VRK2: variants seen among roughly 807,000 people sequenced by gnomAD.
VRK2 encodes VRK serine/threonine kinase 2.
A neutral mutation model predicts 57.6 loss-of-function variants in VRK2; 60 were observed. The ratio of observed to expected loss-of-function variants is 1.04; its 90% CI spans 0.85 to 1.29. The LOEUF is 1.29. Ranked by LOEUF, VRK2 falls within the 50% of genes most tolerant of loss-of-function variation. VRK2 has a pLI of 0.00. For missense variants in VRK2, 705 were observed against 588.1 expected (o/e 1.20, Z -2.06); for synonymous variants, 231 against 199.2 (o/e 1.16, Z -1.35).
chr2:58,004,231 G>A (rs1363271748), intron 1 of VRK2, among the ~76,000 whole-genome samples: 1 of 151,738 alleles, frequency 6.6e-6, no homozygotes, highest in African/African-American at 2.4e-5. Flanking sequence ...CACAACCTAT[G>A]GGACTATAAT....
chr2:58,009,708 C>T (rs1673360302), intron 1 of VRK2, among the ~76,000 whole-genome samples: 1 of 151,630 alleles, frequency 6.6e-6, no homozygotes, highest in South Asian at 2.1e-4. Context: ...ATTCATACAG[C>T]TCATATTTTA....
intron 1 of VRK2, among the ~76,000 whole-genome samples, chr2:57,996,002 T>C (rs1414767926): frequency 1.3e-5 from 2 of 152,174 alleles, no homozygotes; most frequent in Admixed American, 6.5e-5. Context: ...AATACAAGAA[T>C]AACAAATAAT....
At chr2:57,960,299 CAT>C (rs775127770) in intron 1 of VRK2, among the ~76,000 whole-genome samples, 3 of 152,138 alleles carry the variant, frequency 2.0e-5, no homozygotes, top group Admixed American at 6.5e-5. Context: ...TAATTTGTCA[CAT>C]GTTATACTCC....
chr2:58,129,510 T>C (rs1274745154), intron 8 of VRK2, among the ~76,000 whole-genome samples: 6 of 152,098 alleles, frequency 3.9e-5, no homozygotes, highest in African/African-American at 1.2e-4. Flanking sequence ...GAAGCAACTT[T>C]CAAATTAAAA....
intron 2 of VRK2, among the ~76,000 whole-genome samples, chr2:58,061,512 C>T (rs1413759733): frequency 6.6e-6 from 1 of 151,502 alleles, no homozygotes; most frequent in Non-Finnish European, 1.5e-5. Context: ...AATCGGTTGC[C>T]AAAAAAGCAA....
chr2:58,092,413 T>G (rs1672508322), intron 7 of VRK2, among the ~76,000 whole-genome samples: 1 of 152,246 alleles, frequency 6.6e-6, no homozygotes, highest in African/African-American at 2.4e-5. Context: ...TCTGTTCACC[T>G]GTTGATGGCT....
intron 1 of VRK2, among the ~76,000 whole-genome samples, chr2:57,942,461 C>A (rs1671130223): frequency 6.6e-6 from 1 of 152,050 alleles, no homozygotes; most frequent in South Asian, 2.1e-4. Flanking sequence ...GTAAGTAGGT[C>A]CCTGTTTATT....
intron 12 of VRK2, chr2:58,154,816 G>A (rs370508007): frequency 2.2e-4 from 155 of 715,950 alleles, no homozygotes; most frequent in African/African-American, 2.0e-3. Flanking sequence ...AGTATTCCAT[G>A]CTATAAGTGT....
chr2:58,051,080 G>C (rs564557497), intron 2 of VRK2, among the ~76,000 whole-genome samples: 1 of 152,164 alleles, frequency 6.6e-6, no homozygotes, highest in African/African-American at 2.4e-5. Context: ...CCTGACCTCA[G>C]GTGATCTGCC....
At chr2:58,008,958 A>C (rs1386232345) in intron 1 of VRK2, among the ~76,000 whole-genome samples, 1 of 151,964 alleles carries the variant, frequency 6.6e-6, no homozygotes, top group Non-Finnish European at 1.5e-5. Flanking sequence ...TCCCACAGAG[A>C]AGGAGGAATG....
intron 1 of VRK2, among the ~76,000 whole-genome samples, chr2:57,961,991 C>T (rs1429921236): frequency 6.6e-6 from 1 of 152,128 alleles, no homozygotes; most frequent in Non-Finnish European, 1.5e-5. Context: ...GTGGGAGGAT[C>T]GTTTGAGCCC....
In VRK2 at chr2:58,120,184, C is replaced by CTTTTTTTTTTTTTTTTTTTTTT. The variant is rs397868874; in HGVS notation, c.544-2914_544-2893dup. ...CTTTTTGTCTATTTTTTTTTCTTTTCTTTTTTTTTTTTTTTTTTTTTTTTG... is the reference window on the plus strand; with the variant it reads ...CTTTTTGTCTATTTTTTTTTCTTTTCTTTTTTTTTTTTTTTTTTTTTTTTTTTTTTTTTTTTTTTTTTTTTTG... On this transcript the variant is annotated intron_variant, in intron 7 of 12. Coordinates refer to ENST00000340157, the MANE Select transcript of VRK2 (RefSeq NM_006296.7). 2.3e-3 allele frequency among the ~76,000 whole-genome samples: 120 copies of CTTTTTTTTTTTTTTTTTTTTTT among 51,984 alleles called. 9 individuals carry two copies. The highest frequency in any genetic ancestry group is 2.9e-3 in the Non-Finnish European group (92 of 31,442). 34.1% of individuals were successfully genotyped at this position (51,984 alleles called of 152,430 possible). A position where few individuals can be genotyped will look rare whatever the true frequency, so the allele number is the denominator to read the frequency against.
rs1683739037 is a variant in VRK2, at chr2:58,155,813, C to T, written c.1183-3536C>T. Among the ~76,000 whole-genome samples, 4 of 145,572 alleles carry T rather than the reference C, an allele frequency of 2.7e-5. No individual in the cohort carries two copies. In the South Asian group the frequency reaches 9.0e-4, roughly 33 times the overall value. On this transcript the variant is annotated intron_variant, in intron 12 of 12. Coordinates refer to ENST00000340157, the MANE Select transcript of VRK2 (RefSeq NM_006296.7). The stretch of plus-strand genomic sequence containing the variant: ...GCACCTGGAGAGAAGTAAGGTACAG[C>T]TTCTTTCATGGTGTTCACCTAGGGT...
At chr2:57,945,740 G>C (rs1009177996) in intron 1 of VRK2, among the ~76,000 whole-genome samples, 3 of 152,080 alleles carry the variant, frequency 2.0e-5, no homozygotes, top group African/African-American at 7.2e-5. Flanking sequence ...CAAGCTCTTG[G>C]CAATGGGCAG....
intron 1 of VRK2, among the ~76,000 whole-genome samples, chr2:57,932,678 G>A (rs868132430): frequency 2.0e-5 from 3 of 151,622 alleles, no homozygotes; most frequent in African/African-American, 4.8e-5. Flanking sequence ...TAGTCTCTAC[G>A]TGATTTATTT....
At chr2:58,082,943 C>T (rs1671100767) in intron 2 of VRK2, among the ~76,000 whole-genome samples, 1 of 151,424 alleles carries the variant, frequency 6.6e-6, no homozygotes, top group Non-Finnish European at 1.5e-5. Flanking sequence ...AAATTTGTGA[C>T]ATATTTATAT....
intron 10 of VRK2, among the ~76,000 whole-genome samples, chr2:58,136,466 C>T (rs551367646): frequency 1.3e-5 from 2 of 151,206 alleles, no homozygotes; most frequent in Admixed American, 1.3e-4. Context: ...CTCAGTGCAA[C>T]CTCCCCTTCC....
intron 1 of VRK2, among the ~76,000 whole-genome samples, chr2:57,913,314 A>T (rs768689661): frequency 1.3e-5 from 2 of 152,174 alleles, no homozygotes. Context: ...TTTTATAGGG[A>T]TTACGTAAAG....
intron 1 of VRK2, among the ~76,000 whole-genome samples, chr2:57,940,709 T>C (rs1671065640): frequency 6.6e-6 from 1 of 152,224 alleles, no homozygotes; most frequent in Non-Finnish European, 1.5e-5. Context: ...AGAACATTAT[T>C]ATCACTGCTA....
Sources: gnomAD v4.1 joint callset for allele counts (sites outside exome capture counted in the v4.1 genomes callset) on GRCh38, gnomAD v4.1.1 for gene constraint, MANE v1.5 for transcripts, NCBI Gene and HGNC (gene_info 2026-07-23, HGNC 2026-07-21) for gene names.